ADGRB1: variants seen among roughly 807,000 people sequenced by gnomAD.
ADGRB1 encodes the protein adhesion G protein-coupled receptor B1.
Under a neutral mutation model 175.7 loss-of-function variants are expected in ADGRB1, and 36 were observed. That is an observed-to-expected ratio of 0.20 (90% CI 0.16 to 0.27). The LOEUF is 0.27. ADGRB1 is among the 10% of genes least tolerant of loss of function. The probability of loss-of-function intolerance (pLI) is 1.00; values close to 1 mark genes in which losing one functional copy is unlikely to be tolerated. For missense variants in ADGRB1, 1,731 were observed against 2,255.3 expected (o/e 0.77, Z 4.71); for synonymous variants, 1,054 against 979.4 (o/e 1.08, Z -1.42).
intron 1 of ADGRB1, among the ~76,000 whole-genome samples, chr8:142,456,023 C>T (rs1035916892): frequency 6.6e-6 from 1 of 152,088 alleles, no homozygotes; most frequent in Non-Finnish European, 1.5e-5. Context: ...GCCCCAGTTC[C>T]AGCTCGGGGG....
rs547913644 is a variant in ADGRB1, at chr8:142,469,221, CTGTGAA to C, written c.784+4250_784+4255del. Among the ~76,000 whole-genome samples the C allele has an allele frequency of 1.7e-4, 24 of 143,076 alleles. No individual in the cohort carries two copies. The East Asian group carries it at 5.0e-3, about 30-fold the overall frequency. The allele number at this position is 143,076 out of a possible 152,430, so 93.9% of individuals were successfully genotyped here. On this transcript the variant is annotated intron_variant, in intron 2 of 30. Coordinates refer to ENST00000517894, the MANE Select transcript of ADGRB1 (RefSeq NM_001702.3). ...TGCATGTGTGAATGTGTGTGCATAT[CTGTGAA>C]TGTGAATGTGTGCACACATGCATGT...
intron 17 of ADGRB1, among the ~76,000 whole-genome samples, chr8:142,494,273 G>A (rs991792626): frequency 1.5e-5 from 2 of 136,118 alleles, no homozygotes; most frequent in African/African-American, 5.6e-5. Flanking sequence ...CCTGATCCTG[G>A]TCATAGGCTG....
At chr8:142,484,991 C>T (rs1021784534) in intron 13 of ADGRB1, among the ~76,000 whole-genome samples, 1 of 152,174 alleles carries the variant, frequency 6.6e-6, no homozygotes, top group Non-Finnish European at 1.5e-5. Context: ...CTGGGAGCTC[C>T]GTCCCCAACC....
At chr8:142,519,621 A>C (rs987640035) in intron 19 of ADGRB1, among the ~76,000 whole-genome samples, 1 of 119,268 alleles carries the variant, frequency 8.4e-6, no homozygotes, top group Non-Finnish European at 1.8e-5. Context: ...GGTGGTGGTG[A>C]TGGTGGTGGT....
intron 1 of ADGRB1, among the ~76,000 whole-genome samples, chr8:142,454,077 G>A (rs564428175): frequency 5.3e-5 from 8 of 152,282 alleles, no homozygotes; most frequent in African/African-American, 1.2e-4. Context: ...GGAGGGTCTC[G>A]AACAGGGTTG....
rs775694036 is a variant in ADGRB1, at chr8:142,526,593, G to A, written c.3364G>A (p.Gly1122Ser). The A allele has an allele frequency of 1.2e-5, 19 of 1,590,616 alleles. No homozygotes were observed. Among genetic ancestry groups the A allele is most frequent in the East Asian group, 2.3e-5 (1 of 43,252 alleles). ...GTTCAACAAGCTCGTGTCCAAAGACGGCATCACGGACAAGAAGCTGAAGGA... is the reference window on the plus strand; with the variant it reads ...GTTCAACAAGCTCGTGTCCAAAGACAGCATCACGGACAAGAAGCTGAAGGA... Reference protein sequence around the residue: ...LVFNKLVSKDGITDKKLKERA... With the variant: ...LVFNKLVSKDSITDKKLKERA... The change falls in exon 24 of 31, where the codon GGC (glycine) becomes AGC (serine). Residue 1122 changes from glycine to serine, a missense_variant. Physicochemically the swap from Gly to Ser is moderately conservative, Grantham distance 56. Around this residue, in one of 8 missense-constraint regions of ADGRB1, gnomAD observed 301 missense variants for 488.4 expected, o/e 0.62. Transcript: ENST00000517894.
intron 18 of ADGRB1, among the ~76,000 whole-genome samples, chr8:142,513,841 G>T (rs1843244075): frequency 1.3e-5 from 2 of 152,112 alleles, no homozygotes; most frequent in Non-Finnish European, 2.9e-5. Context: ...ACAGGCGTGG[G>T]CTCAGCAGGC....
At chr8:142,517,376 C>T (rs1004017946) in intron 18 of ADGRB1, among the ~76,000 whole-genome samples, 5 of 152,222 alleles carry the variant, frequency 3.3e-5, no homozygotes, top group Non-Finnish European at 7.3e-5. Flanking sequence ...ACCCCAGCTC[C>T]CACACTCTCC....
Position 142,464,468 on chromosome 8 carries a change from C to T in ADGRB1, c.270C>T (p.Pro90=). The change falls in exon 2 of 31, where the codon CCC becomes CCT. Residue 90 remains proline (P), a synonymous_variant. Transcript: ENST00000517894. The stretch of plus-strand genomic sequence containing the variant: ...TCTACATGAAGGTGGCCAAGGCGCC[C>T]GTGCCCTGCAGCGGCCCCGGCCGCG... ...YTLYMKVAKA[P]VPCSGPGRVR... The T allele has an allele frequency of 6.3e-7, 1 of 1,580,988 alleles. No homozygotes were observed. The highest frequency in any genetic ancestry group is 8.6e-7 in the Non-Finnish European group (1 of 1,168,114).
At position 142,511,911 on chromosome 8, in the gene ADGRB1, G is replaced by A. The variant is rs944128519; in HGVS notation, c.2817+838G>A. 6.6e-6 allele frequency among the ~76,000 whole-genome samples: 1 copy of A among 152,188 alleles called. No individual in the cohort carries two copies. Among genetic ancestry groups the A allele is most frequent in the Non-Finnish European group, 1.5e-5 (1 of 68,028 alleles). Reference sequence around the variant, plus strand: ...TGTGGAAGCCTGGGAGGCAGCAGGGGTGGAGGATGCACTTGGAGGGGACCT... The same window carrying A: ...TGTGGAAGCCTGGGAGGCAGCAGGGATGGAGGATGCACTTGGAGGGGACCT... On this transcript the variant is annotated intron_variant, in intron 18 of 30. Coordinates refer to ENST00000517894, the MANE Select transcript of ADGRB1 (RefSeq NM_001702.3). This position sits in a 1 kb window ranked among gnomAD's most constrained non-coding sequence, Gnocchi z 4.5.
chr8:142,544,067 C>G (rs186304720), intron 30 of ADGRB1, among the ~76,000 whole-genome samples, 153 bp from the exon 31 acceptor site: 1 of 152,244 alleles, frequency 6.6e-6, no homozygotes, highest in African/African-American at 2.4e-5. Context: ...GTTCTGGGCT[C>G]TTGTCCTGAA....
chr8:142,524,115 G>A (rs72689052), intron 22 of ADGRB1, 123 bp from the exon 23 acceptor site: 90 of 1,078,652 alleles, frequency 8.3e-5, no homozygotes, highest in African/African-American at 2.5e-4. Flanking sequence ...TGCCGAAGGC[G>A]CTTAATAAGT....
At chr8:142,531,817 G>A (rs1045231305) in intron 24 of ADGRB1, among the ~76,000 whole-genome samples, 1 of 152,204 alleles carries the variant, frequency 6.6e-6, no homozygotes, top group African/African-American at 2.4e-5. Flanking sequence ...GGATGGAGGA[G>A]AGGAGGAAGA....
rs1840119825 is a variant in ADGRB1, at chr8:142,464,238, C to A, written c.40C>A (p.Leu14Ile). 7.5e-7 allele frequency: 1 copy of A among 1,336,422 alleles called. No homozygotes were observed. The highest frequency in any genetic ancestry group is 9.5e-7 in the Non-Finnish European group (1 of 1,052,090). 82.8% of individuals were successfully genotyped at this position (1,336,422 alleles called of 1,614,324 possible). The change falls in exon 2 of 31, where the codon CTC (leucine) becomes ATC (isoleucine). Residue 14 changes from leucine (L) to isoleucine (I), a missense_variant. By Grantham distance (5) the Leu-to-Ile change is conservative. Coordinates refer to ENST00000517894, the MANE Select transcript of ADGRB1 (RefSeq NM_001702.3). The stretch of plus-strand genomic sequence containing the variant: ...CGCCGCCCCGGGCCCCGTCTGGATC[C>A]TCGCCCCGCTGCTACTGCTGCTGCT... ...QAAAPGPVWI[L>I]APLLLLLLLL...
At position 142,524,156 on chromosome 8, in the gene ADGRB1, C is replaced by A. The variant is rs1844032518; in HGVS notation, c.3246-82C>A. On this transcript the variant is annotated intron_variant, in intron 22 of 30. Transcript: ENST00000517894. ...TTTTCTTCTGCCACTTCCCAGCTCA[C>A]CCCTACTCCTGAGAGGCCGGCAGCA... is the stretch of plus-strand genomic sequence containing the variant. 6 of 1,459,902 alleles carry A rather than the reference C, an allele frequency of 4.1e-6. No homozygotes were observed. In the South Asian group the frequency reaches 6.1e-5, roughly 15 times the overall value. The allele number at this position is 1,459,902 out of a possible 1,614,324, so 90.4% of individuals were successfully genotyped here.
chr8:142,455,074 A>G lies in ADGRB1; in HGVS notation c.-220+4970A>G, dbSNP rs1049955849. Among the ~76,000 whole-genome samples the G allele has an allele frequency of 7.4e-5, 11 of 149,002 alleles. No homozygotes were observed. Among genetic ancestry groups the G allele is most frequent in the South Asian group, 6.5e-4 (3 of 4,634 alleles). On this transcript the variant is annotated intron_variant, in intron 1 of 30. Transcript: ENST00000517894. This position sits in a 1 kb window ranked among gnomAD's most constrained non-coding sequence, Gnocchi z 4.9. ...CCGCAGCACCCTCATATTTGACACC[A>G]GCACCCTCACTGCCCCCCTACCATC...
rs544365709 is a variant in ADGRB1, at chr8:142,478,567, G to A, written c.1561+207G>A. ...GTGAGTGAGGTGCACTGTGGGGTGT[G>A]GGGTGGCCATGAGGAGAGTGGGGCA... On this transcript the variant is annotated intron_variant, in intron 7 of 30. Coordinates refer to ENST00000517894, the MANE Select transcript of ADGRB1 (RefSeq NM_001702.3). Among the ~76,000 whole-genome samples, 6 of 151,414 alleles carry A rather than the reference G, an allele frequency of 4.0e-5. No individual in the cohort carries two copies. In the South Asian group the frequency reaches 6.3e-4, roughly 16 times the overall value.
At position 142,479,773 on chromosome 8, in the gene ADGRB1, C is replaced by T. The variant is rs910725982; in HGVS notation, c.1807C>T (p.Arg603Trp). The T allele has an allele frequency of 8.1e-6, 13 of 1,612,456 alleles. No homozygotes were observed. The highest frequency in any genetic ancestry group is 2.2e-5 in the East Asian group (1 of 44,778). Residue 603 changes from arginine (R) to tryptophan (W), a missense_variant, in exon 9 of 31, where the codon CGG becomes TGG. Arg to Trp is a moderately radical substitution (Grantham distance 101). Transcript: ENST00000517894. The stretch of plus-strand genomic sequence containing the variant: ...CCCAGCGGGAGAGGTGGCTGCTGTC[C>T]GGTGTCCCCGCAACGCCACAGGTGA... Reference protein sequence around the residue: ...ETPAGEVAAVRCPRNATGLIL... With the variant: ...ETPAGEVAAVWCPRNATGLIL...
intron 24 of ADGRB1, among the ~76,000 whole-genome samples, chr8:142,530,708 A>G (rs1252555548): frequency 1.3e-5 from 2 of 152,180 alleles, no homozygotes; most frequent in African/African-American, 4.8e-5. Flanking sequence ...TCTCAACACC[A>G]GGGATGTGGC....
Sources: gnomAD v4.1 joint callset for allele counts (sites outside exome capture counted in the v4.1 genomes callset) on GRCh38, gnomAD v4.1.1 for gene constraint, gnomAD v4.1.1 regional missense constraint, Gnocchi (gnomAD v3.1) non-coding constraint, MANE v1.5 for transcripts, NCBI Gene and HGNC (gene_info 2026-07-23, HGNC 2026-07-21) for gene names.